SORCS3: variants seen among roughly 807,000 people sequenced by gnomAD.
The protein encoded by SORCS3 is sortilin related VPS10 domain containing receptor 3.
Under a neutral mutation model 146.3 loss-of-function variants are expected in SORCS3, and 57 were observed. That is an observed-to-expected ratio of 0.39 (90% CI 0.31 to 0.49). The LOEUF (loss-of-function observed/expected upper bound fraction) is 0.49, where lower values mean the gene tolerates loss of function less well. Among genes scored for constraint, SORCS3 ranks in the 20% least tolerant of loss-of-function variants. The pLI is 0.92. For synonymous variants in SORCS3, 653 were observed against 618.5 expected, an observed-to-expected ratio of 1.06 and a Z score of -0.83; for missense variants, 1,341 against 1,575.5, an observed-to-expected ratio of 0.85 and a Z score of 2.52.
At position 105,199,617 on chromosome 10, in the gene SORCS3, G is replaced by A. The variant is rs116325674; in HGVS notation, c.2010-382G>A. Reference sequence around the variant, plus strand: ...GGACATGGGTAGGCAAAATGCCAGTGCTTGCATTAAGGAGAAATGGGAAGG... The same window carrying A: ...GGACATGGGTAGGCAAAATGCCAGTACTTGCATTAAGGAGAAATGGGAAGG... On this transcript the variant is annotated intron_variant, in intron 14 of 26. Coordinates refer to ENST00000369701, the MANE Select transcript of SORCS3 (RefSeq NM_014978.3). Among the ~76,000 whole-genome samples the A allele has an allele frequency of 3.2e-3, 494 of 152,268 alleles. 4 individuals are homozygous for A. Among genetic ancestry groups the A allele is most frequent in the African/African-American group, 0.011 (459 of 41,556 alleles).
At chr10:104,697,917 T>A (rs546788650) in intron 1 of SORCS3, among the ~76,000 whole-genome samples, 97 of 152,296 alleles carry the variant, frequency 6.4e-4, no homozygotes, top group African/African-American at 2.3e-3. Context: ...ATATTCATGG[T>A]CCTGCCTCTG....
At chr10:104,921,505 G>T (rs6584637) in intron 3 of SORCS3, among the ~76,000 whole-genome samples, 3 of 94,500 alleles carry the variant, frequency 3.2e-5, no homozygotes, top group South Asian at 5.2e-4. Context: ...CTCTCTCTCT[G>T]TGTGTGTGTG....
chr10:104,947,068 G>A (rs987665100), intron 3 of SORCS3, among the ~76,000 whole-genome samples: 5 of 152,104 alleles, frequency 3.3e-5, no homozygotes, highest in Non-Finnish European at 7.4e-5. Flanking sequence ...TCACGTTCTA[G>A]GAAAAGCAGG....
intron 1 of SORCS3, among the ~76,000 whole-genome samples, chr10:104,763,267 T>C (rs1311490447): frequency 2.6e-5 from 4 of 152,200 alleles, no homozygotes; most frequent in Non-Finnish European, 4.4e-5. Context: ...TGAATACTTA[T>C]GAAAACTAAA....
At chr10:105,004,327 T>C (rs931247916) in intron 4 of SORCS3, among the ~76,000 whole-genome samples, 3 of 152,128 alleles carry the variant, frequency 2.0e-5, no homozygotes, top group African/African-American at 7.2e-5. Flanking sequence ...TACGGAGGGA[T>C]GTGCAGGGTT....
At chr10:104,860,563 G>T (rs915931328) in intron 2 of SORCS3, among the ~76,000 whole-genome samples, 1 of 151,372 alleles carries the variant, frequency 6.6e-6, no homozygotes, top group Non-Finnish European at 1.5e-5. Flanking sequence ...AAAACTTAAA[G>T]TATAATAATA....
intron 5 of SORCS3, among the ~76,000 whole-genome samples, chr10:105,069,378 G>A (rs1230625612): frequency 6.6e-6 from 1 of 152,116 alleles, no homozygotes; most frequent in Non-Finnish European, 1.5e-5. Context: ...CATGTTTCTG[G>A]GACAAACCTC....
intron 14 of SORCS3, among the ~76,000 whole-genome samples, chr10:105,189,139 C>A (rs1293120952): frequency 6.6e-6 from 1 of 152,184 alleles, no homozygotes; most frequent in Non-Finnish European, 1.5e-5. Flanking sequence ...TCACTTCTAG[C>A]AGGGGTTCTT....
intron 13 of SORCS3, among the ~76,000 whole-genome samples, chr10:105,171,940 C>A (rs909596975): frequency 2.0e-5 from 3 of 151,960 alleles, no homozygotes; most frequent in Non-Finnish European, 4.4e-5. Context: ...TTTGTGACAC[C>A]CCCAAAAAGT....
intron 3 of SORCS3, among the ~76,000 whole-genome samples, chr10:104,953,976 A>G (rs1246983400): frequency 1.3e-5 from 2 of 152,148 alleles, no homozygotes; most frequent in Non-Finnish European, 2.9e-5. Context: ...AGTGTGTGCT[A>G]ATAGCTGTCT....
In SORCS3 at chr10:105,255,715, T is replaced by C; in HGVS notation, c.3251T>C (p.Leu1084Pro). ...EGDLEQIVETLFNALNQNLVQ... is the reference protein window; with the variant it reads ...EGDLEQIVETPFNALNQNLVQ... Reference sequence around the variant, plus strand: ...TTATTTTTTCAGATTGTAGAAACACTGTTTAATGCTCTCAACCAAAATTTG... The same window carrying C: ...TTATTTTTTCAGATTGTAGAAACACCGTTTAATGCTCTCAACCAAAATTTG... The change falls in exon 24 of 27, where the codon CTG becomes CCG. Residue 1084 changes from leucine (L) to proline (P), a missense_variant. Physicochemically the swap from Leu to Pro is moderately conservative, Grantham distance 98 (BLOSUM62 -3). Transcript: ENST00000369701. 1 of 1,613,336 alleles carries C rather than the reference T, an allele frequency of 6.2e-7. No individual in the cohort carries two copies. The highest frequency in any genetic ancestry group is 8.5e-7 in the Non-Finnish European group (1 of 1,179,438).
chr10:105,039,857 A>C (rs1331093020), intron 4 of SORCS3, among the ~76,000 whole-genome samples: 2 of 152,162 alleles, frequency 1.3e-5, no homozygotes, highest in Non-Finnish European at 2.9e-5. Flanking sequence ...GTCCGTGATG[A>C]AACTGATGAT....
intron 7 of SORCS3, among the ~76,000 whole-genome samples, chr10:105,115,038 G>C (rs10884091): frequency 0.29 from 44,488 of 151,926 alleles, 6,702 homozygotes; most frequent in Middle Eastern, 0.34. Flanking sequence ...TACTTGTTGA[G>C]CCCTAGAAGT....
chr10:105,182,090 A>G (rs1296848849), intron 14 of SORCS3, among the ~76,000 whole-genome samples: 3 of 152,004 alleles, frequency 2.0e-5, no homozygotes, highest in Non-Finnish European at 4.4e-5. Context: ...AAAAAATCTT[A>G]GAAGGGAGAA....
chr10:104,992,156 G>T (rs1023762278), intron 4 of SORCS3, among the ~76,000 whole-genome samples: 3 of 152,118 alleles, frequency 2.0e-5, no homozygotes, highest in Non-Finnish European at 4.4e-5. Context: ...GGGAGCAGGG[G>T]GTAGGGCTTA....
At chr10:104,732,559 C>A (rs776785867) in intron 1 of SORCS3, among the ~76,000 whole-genome samples, 32 of 152,258 alleles carry the variant, frequency 2.1e-4, no homozygotes, top group Non-Finnish European at 3.4e-4. Flanking sequence ...GGGGTGGGGG[C>A]AGTATGAAAT....
At chr10:105,058,870 A>G (rs1416795976) in intron 5 of SORCS3, among the ~76,000 whole-genome samples, 1 of 152,244 alleles carries the variant, frequency 6.6e-6, no homozygotes. Context: ...TACTTAAAAA[A>G]TATATTGTAC....
At chr10:105,247,959 T>C (rs1160546576) in intron 22 of SORCS3, among the ~76,000 whole-genome samples, 1 of 152,194 alleles carries the variant, frequency 6.6e-6, no homozygotes, top group Non-Finnish European at 1.5e-5. Flanking sequence ...CTTGTCTGGC[T>C]CTTTGTTCAC....
intron 19 of SORCS3, among the ~76,000 whole-genome samples, chr10:105,218,234 A>C (rs572663834): frequency 6.6e-6 from 1 of 152,244 alleles, no homozygotes; most frequent in East Asian, 1.9e-4. Flanking sequence ...GCCAGGCTAC[A>C]TGGCCATGAG....
Sources: allele counts gnomAD v4.1 joint callset (sites outside exome capture counted in the v4.1 genomes callset), GRCh38; gene constraint gnomAD v4.1.1; transcripts MANE v1.5; gene names NCBI Gene and HGNC (gene_info 2026-07-23, HGNC 2026-07-21).